Variants in PLVAP observed in about 807,000 individuals in gnomAD.
The protein encoded by PLVAP is plasmalemma vesicle-associated protein.
PLVAP carries 34 observed loss-of-function variants against 43.1 expected under a neutral mutation model. That is an observed-to-expected ratio of 0.79 (90% CI 0.60 to 1.05). PLVAP has a LOEUF of 1.05. Among genes scored for constraint, PLVAP ranks in the 50% least tolerant of loss-of-function variants. PLVAP has a pLI of 0.00. For missense variants in PLVAP, 574 were observed against 593.4 expected, an observed-to-expected ratio of 0.97 and a Z score of 0.34; for synonymous variants, 241 against 237.3, an observed-to-expected ratio of 1.02 and a Z score of -0.14.
rs369760303 is a variant in PLVAP at position 17,376,969 on chromosome 19, C to T, written c.320G>A (p.Arg107His). 17 of 1,614,050 alleles carry T rather than the reference C, an allele frequency of 1.1e-5. No homozygotes were observed. Among genetic ancestry groups the T allele is most frequent in the Non-Finnish European group, 1.3e-5 (15 of 1,180,002 alleles). ...AIMQMWLNAR[R>H]DLDRINASFR... ...GCTGGCATTGATGCGGTCCAGGTCG[C>T]GGCGAGCATTCAGCCACATCTGCAT... Residue 107 changes from arginine to histidine, a missense_variant, in exon 1 of 6, where the codon CGC (arginine) becomes CAC (histidine). Coordinates refer to ENST00000252590, the MANE Select transcript of PLVAP (RefSeq NM_031310.3).
intron 5 of PLVAP, among the ~76,000 whole-genome samples, chr19:17,354,322 C>A (rs1027052422): frequency 6.6e-6 from 1 of 151,944 alleles, no homozygotes; most frequent in Non-Finnish European, 1.5e-5. Flanking sequence ...TAATGCCAGG[C>A]GCAGTGGCTC....
intron 5 of PLVAP, among the ~76,000 whole-genome samples, chr19:17,354,060 T>G (rs2074496555): frequency 6.6e-6 from 1 of 150,804 alleles, no homozygotes; most frequent in South Asian, 2.1e-4. Flanking sequence ...GAGGCCGAGG[T>G]GGAGGGATCA....
At chr19:17,359,930 A>G (rs2074521467) in intron 5 of PLVAP, among the ~76,000 whole-genome samples, 1 of 151,880 alleles carries the variant, frequency 6.6e-6, no homozygotes, top group Non-Finnish European at 1.5e-5. Context: ...CCCTCTGCTC[A>G]TTACCTTCCC....
intron 5 of PLVAP, among the ~76,000 whole-genome samples, chr19:17,357,406 G>A (rs2074510767): frequency 6.6e-6 from 1 of 151,370 alleles, no homozygotes; most frequent in South Asian, 2.1e-4. Context: ...TAAAATTCTA[G>A]TGACTCAGCT....
chr19:17,360,930 T>TC (rs1568374151), intron 3 of PLVAP, 98 bp from the exon 4 acceptor site: 611 of 1,058,076 alleles, frequency 5.8e-4, no homozygotes, highest in Middle Eastern at 1.8e-3. Context: ...TTTTTTTTTT[T>TC]TGAGACGGAG....
intron 3 of PLVAP, 115 bp downstream of exon 3, chr19:17,365,171 C>G (rs561196875): frequency 1.1e-6 from 1 of 900,534 alleles, no homozygotes; most frequent in Non-Finnish European, 1.7e-6. Flanking sequence ...TGTAACTCAC[C>G]CAACCTAGAC....
rs1290367272 is a variant in PLVAP, at chr19:17,366,275, C to T, written c.370-80G>A. On this transcript the variant is annotated intron_variant, in intron 1 of 5. Coordinates refer to ENST00000252590, the MANE Select transcript of PLVAP (RefSeq NM_031310.3). ...GACTGCCTGGACCCAGATCGAGCACCCTGGTGGCCAGAGTGAGCTGAGTTC... is the reference window on the plus strand; with the variant it reads ...GACTGCCTGGACCCAGATCGAGCACTCTGGTGGCCAGAGTGAGCTGAGTTC... 2.2e-6 allele frequency: 3 copies of T among 1,392,228 alleles called. No homozygotes were observed. The South Asian group carries it at 3.6e-5, about 17-fold the overall frequency. The allele number at this position is 1,392,228 out of a possible 1,614,324, so 86.2% of individuals were successfully genotyped here.
chr19:17,368,721 T>G (rs1440694556), intron 1 of PLVAP, among the ~76,000 whole-genome samples: 3 of 151,932 alleles, frequency 2.0e-5, no homozygotes, highest in African/African-American at 7.2e-5. Flanking sequence ...CTCACGCCTG[T>G]AATCCCAGCA....
At chr19:17,376,810 A>G in intron 1 of PLVAP, 110 bp downstream of exon 1, 1 of 1,096,390 alleles carries the variant, frequency 9.1e-7, no homozygotes, top group Non-Finnish European at 1.3e-6. Context: ...AAGAAAAGAG[A>G]GCATTGGTCC....
chr19:17,360,599 G>T lies in PLVAP; in HGVS notation c.1251C>A (p.Ser417Arg), dbSNP rs1482939918. 1 of 1,612,876 alleles carries T rather than the reference G, an allele frequency of 6.2e-7. No homozygotes were observed. Among genetic ancestry groups the T allele is most frequent in the Non-Finnish European group, 8.5e-7 (1 of 1,179,440 alleles). ...GGATCTTCCTCTTGAACTCCTCCAG[G>T]CTAGCTGGGTCTGTGGAGGGAGAGA... Reference protein sequence around the residue: ...VPNPQPIDPASLEEFKRKILE... With the variant: ...VPNPQPIDPARLEEFKRKILE... The change falls in exon 5 of 6, where the codon AGC (serine) becomes AGA (arginine). Residue 417 changes from serine (S) to arginine (R), a missense_variant. Transcript: ENST00000252590.
chr19:17,372,569 G>A (rs1447095774), intron 1 of PLVAP, among the ~76,000 whole-genome samples: 1 of 148,994 alleles, frequency 6.7e-6, no homozygotes, highest in Non-Finnish European at 1.5e-5. Flanking sequence ...CCATTCTCCT[G>A]CCTCAGCCTC....
At chr19:17,369,452 T>G (rs1234836340) in intron 1 of PLVAP, among the ~76,000 whole-genome samples, 3 of 138,408 alleles carry the variant, frequency 2.2e-5, no homozygotes, top group Non-Finnish European at 4.7e-5. Context: ...CTGGCCAACA[T>G]GGCGAAACCC....
At chr19:17,352,530 G>C (rs994264405) in intron 5 of PLVAP, among the ~76,000 whole-genome samples, 162 bp from the exon 6 acceptor site, 8 of 152,022 alleles carry the variant, frequency 5.3e-5, no homozygotes, top group African/African-American at 1.9e-4. Context: ...CAGAACCCCA[G>C]GGCTCCTTCG....
chr19:17,365,247 A>T lies in PLVAP; in HGVS notation c.1179+39T>A, dbSNP rs367820138. ...CACCACCCTCTTGGCATCTGGACCT[A>T]ACTCCACTGCAGCCTCCCTCTGGGG... is the stretch of plus-strand genomic sequence containing the variant. On this transcript the variant is annotated intron_variant, in intron 3 of 5. Coordinates refer to ENST00000252590, the MANE Select transcript of PLVAP (RefSeq NM_031310.3). 4.1e-4 allele frequency: 642 copies of T among 1,558,574 alleles called. 1 individual carries two copies. The highest frequency in any genetic ancestry group is 9.7e-4 in the Admixed American group (52 of 53,746).
At chr19:17,368,062 T>A (rs1024299143) in intron 1 of PLVAP, among the ~76,000 whole-genome samples, 2 of 117,496 alleles carry the variant, frequency 1.7e-5, no homozygotes, top group African/African-American at 6.9e-5. Flanking sequence ...CCTGCCCGGC[T>A]AATTTTTTTT....
intron 1 of PLVAP, among the ~76,000 whole-genome samples, chr19:17,374,464 C>CAAACA (rs1555730666): frequency 6.6e-6 from 1 of 151,620 alleles, no homozygotes; most frequent in East Asian, 1.9e-4. Flanking sequence ...GACTCCATCT[C>CAAACA]AAACAAAACA....
At position 17,368,933 on chromosome 19, in the gene PLVAP, G is replaced by A. The variant is rs151333371; in HGVS notation, c.370-2738C>T. On this transcript the variant is annotated intron_variant, in intron 1 of 5. Transcript: ENST00000252590. ...GCGGAGGTTGCAGTGAGCCGAGATC[G>A]CGTCTCTGCACTCCAGTCCAGCCTG... Among the ~76,000 whole-genome samples the A allele has an allele frequency of 4.6e-3, 698 of 152,186 alleles. 10 individuals are homozygous for A. Among genetic ancestry groups the A allele is most frequent in the African/African-American group, 0.016 (675 of 41,550 alleles).
intron 1 of PLVAP, among the ~76,000 whole-genome samples, chr19:17,375,558 A>G (rs2074591487): frequency 6.6e-6 from 1 of 151,832 alleles, no homozygotes; most frequent in Non-Finnish European, 1.5e-5. Context: ...TCAGCAGCAT[A>G]GTGAGATTCT....
chr19:17,372,334 G>A (rs1005851013), intron 1 of PLVAP, among the ~76,000 whole-genome samples: 2 of 150,508 alleles, frequency 1.3e-5, no homozygotes, highest in African/African-American at 2.4e-5. Context: ...ACTTGAACCC[G>A]GGAGGCAGAG....
Sources: allele counts gnomAD v4.1 joint callset (sites outside exome capture counted in the v4.1 genomes callset), GRCh38; gene constraint gnomAD v4.1.1; transcripts MANE v1.5; gene names NCBI Gene and HGNC (gene_info 2026-07-23, HGNC 2026-07-21).